EPHA6: variants seen among roughly 807,000 people sequenced by gnomAD.
The protein encoded by EPHA6 is ephrin type-A receptor 6.
A neutral mutation model predicts 112.0 loss-of-function variants in EPHA6; 50 were observed. The ratio of observed to expected loss-of-function variants is 0.45; its 90% confidence interval spans 0.36 to 0.56. The LOEUF (loss-of-function observed/expected upper bound fraction) is 0.56. Ranked by LOEUF, EPHA6 falls within the 20% of genes least tolerant of loss-of-function variation. EPHA6 has a pLI of 0.00. For synonymous variants in EPHA6, 529 were observed against 490.7 expected (o/e 1.08, Z -1.03); for missense variants, 1,280 against 1,417.4 (o/e 0.90, Z 1.56).
chr3:97,483,277 C>A (rs186653314), intron 9 of EPHA6, among the ~76,000 whole-genome samples: 93 of 152,310 alleles, frequency 6.1e-4, no homozygotes, highest in African/African-American at 2.1e-3. Flanking sequence ...TGAAGCTCAG[C>A]AGATACACAA....
intron 11 of EPHA6, among the ~76,000 whole-genome samples, chr3:97,577,318 G>A (rs1361746951): frequency 1.3e-5 from 2 of 152,270 alleles, no homozygotes; most frequent in African/African-American, 2.4e-5. Context: ...CAAATCTAAA[G>A]ATATTGAGAG....
At chr3:96,815,938 T>C (rs1217238766) in intron 1 of EPHA6, among the ~76,000 whole-genome samples, 1 of 152,196 alleles carries the variant, frequency 6.6e-6, no homozygotes, top group Non-Finnish European at 1.5e-5. Flanking sequence ...CTCTCACTCG[T>C]GCTGTAATGA....
chr3:97,110,124 A>G (rs1462146714), intron 3 of EPHA6, among the ~76,000 whole-genome samples: 2 of 152,182 alleles, frequency 1.3e-5, no homozygotes, highest in Non-Finnish European at 2.9e-5. Flanking sequence ...GATACTTTGC[A>G]TATTCATTGC....
intron 7 of EPHA6, among the ~76,000 whole-genome samples, chr3:97,463,645 TTTTG>T (rs1244762271): frequency 6.6e-6 from 1 of 152,070 alleles, no homozygotes; most frequent in African/African-American, 2.4e-5. Flanking sequence ...TACAAAAGTT[TTTTG>T]TTTGTTTGTA....
intron 2 of EPHA6, among the ~76,000 whole-genome samples, chr3:96,934,061 A>G (rs954674127): frequency 6.6e-6 from 1 of 152,046 alleles, no homozygotes; most frequent in African/African-American, 2.4e-5. Flanking sequence ...CATATTGTTC[A>G]TGCTAAAATA....
chr3:96,883,870 C>T (rs2037469470), intron 2 of EPHA6, among the ~76,000 whole-genome samples: 1 of 152,082 alleles, frequency 6.6e-6, no homozygotes, highest in Admixed American at 6.6e-5. Flanking sequence ...CAGGGTTTCA[C>T]CATGTTGGCC....
At chr3:96,964,323 A>T (rs967218876) in intron 2 of EPHA6, among the ~76,000 whole-genome samples, 1 of 152,176 alleles carries the variant, frequency 6.6e-6, no homozygotes, top group African/African-American at 2.4e-5. Flanking sequence ...CATTATTATC[A>T]TCGGTCTATG....
At chr3:96,939,984 GTGT>G (rs1559607919) in intron 2 of EPHA6, among the ~76,000 whole-genome samples, 1 of 151,896 alleles carries the variant, frequency 6.6e-6, no homozygotes, top group African/African-American at 2.4e-5. Context: ...GTTATAATTT[GTGT>G]TGTTTTACAT....
intron 3 of EPHA6, among the ~76,000 whole-genome samples, chr3:97,090,429 G>C (rs2047027946): frequency 6.6e-6 from 1 of 151,940 alleles, no homozygotes; most frequent in Non-Finnish European, 1.5e-5. Context: ...ATAAATAAAA[G>C]GGTGGTTAGA....
intron 2 of EPHA6, among the ~76,000 whole-genome samples, chr3:96,903,154 A>G (rs1289236405): frequency 2.0e-5 from 3 of 152,194 alleles, no homozygotes; most frequent in African/African-American, 7.2e-5. Context: ...ATTCTGAGCC[A>G]TCTGGGTATC....
intron 3 of EPHA6, among the ~76,000 whole-genome samples, chr3:97,210,027 C>T (rs2077824253): frequency 6.6e-6 from 1 of 151,832 alleles, no homozygotes; most frequent in Non-Finnish European, 1.5e-5. Context: ...TTAGTTTCAC[C>T]TCTTACAAAA....
intron 3 of EPHA6, among the ~76,000 whole-genome samples, chr3:97,206,898 G>A (rs1055292002): frequency 1.3e-5 from 2 of 152,022 alleles, no homozygotes; most frequent in Non-Finnish European, 2.9e-5. Flanking sequence ...TGCAATAACT[G>A]TTATTTTTAT....
intron 1 of EPHA6, among the ~76,000 whole-genome samples, chr3:96,865,114 T>C (rs1017582263): frequency 6.6e-6 from 1 of 152,068 alleles, no homozygotes; most frequent in Non-Finnish European, 1.5e-5. Flanking sequence ...AAAAAGTATT[T>C]GAAAATTTCT....
chr3:97,327,499 G>C (rs1034389923), intron 5 of EPHA6, among the ~76,000 whole-genome samples: 2 of 151,844 alleles, frequency 1.3e-5, no homozygotes, highest in Non-Finnish European at 2.9e-5. Flanking sequence ...GTGTTTGTGT[G>C]TGTGTGTATA....
chr3:97,335,629 C>T (rs1309270219), intron 5 of EPHA6, among the ~76,000 whole-genome samples: 5 of 152,070 alleles, frequency 3.3e-5, no homozygotes, highest in Admixed American at 1.3e-4. Context: ...ATCTTCAAAA[C>T]GTGAATCTGG....
At chr3:97,304,128 T>G (rs1019156433) in intron 5 of EPHA6, among the ~76,000 whole-genome samples, 1 of 152,044 alleles carries the variant, frequency 6.6e-6, no homozygotes, top group Non-Finnish European at 1.5e-5. Flanking sequence ...CTTATCAGCT[T>G]AAGGAGCTTT....
At chr3:97,518,824 A>C (rs938208074) in intron 10 of EPHA6, among the ~76,000 whole-genome samples, 1 of 151,660 alleles carries the variant, frequency 6.6e-6, no homozygotes, top group South Asian at 2.1e-4. Flanking sequence ...CTTTTTAATA[A>C]AATTATTTGT....
At chr3:97,236,321 T>C (rs1047693461) in intron 4 of EPHA6, among the ~76,000 whole-genome samples, 1 of 151,576 alleles carries the variant, frequency 6.6e-6, no homozygotes, top group Non-Finnish European at 1.5e-5. Flanking sequence ...TAGGAGAAGA[T>C]GGAGAGGAAT....
At chr3:96,970,034 A>C (rs1280684488) in intron 2 of EPHA6, among the ~76,000 whole-genome samples, 2 of 152,034 alleles carry the variant, frequency 1.3e-5, no homozygotes, top group Non-Finnish European at 2.9e-5. Context: ...TGTTACTCAG[A>C]GTCAGGGCTA....
Sources: allele counts gnomAD v4.1 joint callset (sites outside exome capture counted in the v4.1 genomes callset), GRCh38; gene constraint gnomAD v4.1.1; transcripts MANE v1.5; gene names NCBI Gene and HGNC (gene_info 2026-07-23, HGNC 2026-07-21).